Variants in SDK1 observed in about 807,000 individuals in gnomAD.
SDK1 encodes the protein protein sidekick-1.
A neutral mutation model predicts 245.5 loss-of-function variants in SDK1; 157 were observed. That is an observed-to-expected ratio of 0.64 (90% CI 0.56 to 0.73). The LOEUF is 0.73. SDK1 is among the 30% of genes least tolerant of loss of function. The probability of loss-of-function intolerance (pLI) is 0.00; values close to 1 mark genes in which losing one functional copy is unlikely to be tolerated. For synonymous variants in SDK1, 1,647 were observed against 1,278.5 expected (o/e 1.29, Z -6.15); for missense variants, 3,583 against 3,002.3 (o/e 1.19, Z -4.52).
chr7:3,738,230 C>T (rs773369330), intron 4 of SDK1, among the ~76,000 whole-genome samples: 12 of 152,176 alleles, frequency 7.9e-5, no homozygotes, highest in African/African-American at 2.2e-4. Flanking sequence ...TTGTATGTGG[C>T]GTAAGATAAG....
chr7:3,937,609 C>G (rs940477941), intron 5 of SDK1, among the ~76,000 whole-genome samples: 2 of 152,190 alleles, frequency 1.3e-5, no homozygotes, highest in Non-Finnish European at 1.5e-5. Context: ...GCCACTCTGC[C>G]TAGCAGCCTC....
intron 1 of SDK1, among the ~76,000 whole-genome samples, chr7:3,337,636 A>G (rs1458003472): frequency 6.6e-6 from 1 of 152,232 alleles, no homozygotes; most frequent in Non-Finnish European, 1.5e-5. Context: ...AAGCTACTGA[A>G]AGTAGCTGGA....
At chr7:3,729,998 A>G (rs539075662) in intron 4 of SDK1, among the ~76,000 whole-genome samples, 2 of 152,232 alleles carry the variant, frequency 1.3e-5, no homozygotes, top group South Asian at 2.1e-4. Context: ...TAGTACATAT[A>G]TATGTATATA....
At chr7:3,396,426 C>G (rs189153570) in intron 1 of SDK1, among the ~76,000 whole-genome samples, 1 of 151,430 alleles carries the variant, frequency 6.6e-6, no homozygotes, top group Non-Finnish European at 1.5e-5. Flanking sequence ...TGTTATAAGT[C>G]TTCTGTATTT....
chr7:4,035,274 C>G (rs1788132845), intron 17 of SDK1, among the ~76,000 whole-genome samples: 1 of 152,144 alleles, frequency 6.6e-6, no homozygotes, highest in Non-Finnish European at 1.5e-5. Context: ...TGTGTGCCAC[C>G]ATGCCCAGCC....
intron 1 of SDK1, among the ~76,000 whole-genome samples, chr7:3,356,833 G>T (rs974610325): frequency 6.6e-5 from 10 of 151,914 alleles, no homozygotes; most frequent in African/African-American, 2.2e-4. Context: ...CGAGGCCAGT[G>T]GATCACGAGG....
chr7:3,933,086 CA>C (rs1780035993), intron 5 of SDK1, among the ~76,000 whole-genome samples: 1 of 151,498 alleles, frequency 6.6e-6, no homozygotes, highest in Non-Finnish European at 1.5e-5. Flanking sequence ...ATCCTCTCTC[CA>C]TCCTCCGCAT....
At chr7:4,005,252 G>A (rs1337416710) in intron 14 of SDK1, among the ~76,000 whole-genome samples, 3 of 151,530 alleles carry the variant, frequency 2.0e-5, no homozygotes, top group African/African-American at 7.3e-5. Flanking sequence ...TTACCATGTT[G>A]GCCAGGATGG....
intron 4 of SDK1, among the ~76,000 whole-genome samples, chr7:3,808,335 C>T (rs1035186636): frequency 6.6e-6 from 1 of 152,124 alleles, no homozygotes; most frequent in African/African-American, 2.4e-5. Flanking sequence ...GATGGAGGGT[C>T]GGTCCCTAGG....
intron 5 of SDK1, among the ~76,000 whole-genome samples, chr7:3,902,174 T>C (rs974630101): frequency 1.3e-5 from 2 of 152,182 alleles, no homozygotes; most frequent in Non-Finnish European, 2.9e-5. Context: ...TCCCAGACTC[T>C]TCAGTGGCTA....
intron 13 of SDK1, among the ~76,000 whole-genome samples, chr7:3,975,149 C>G (rs1044017225): frequency 2.6e-5 from 4 of 152,236 alleles, no homozygotes; most frequent in Admixed American, 1.3e-4. Context: ...CTTTCTCCCT[C>G]CACTCCCCTC....
rs565882211 is a variant in SDK1 at position 3,303,567 on chromosome 7, C to G, written c.298+1683C>G. Among the ~76,000 whole-genome samples the G allele has an allele frequency of 5.9e-4, 37 of 62,846 alleles. 1 individual carries two copies. In the East Asian group the frequency reaches 9.4e-3, roughly 16 times the overall value. The allele number at this position is 62,846 out of a possible 152,430, so 41.2% of individuals were successfully genotyped here. ...TTTAAAAATATATTAAGGCAACAAC[C>G]GAACTTTGTTAGGAATATTTTATTC... On this transcript the variant is annotated intron_variant, in intron 1 of 44. Coordinates refer to ENST00000404826, the MANE Select transcript of SDK1 (RefSeq NM_152744.4).
intron 19 of SDK1, among the ~76,000 whole-genome samples, chr7:4,067,384 C>T (rs1456513266): frequency 6.6e-6 from 1 of 152,140 alleles, no homozygotes; most frequent in Non-Finnish European, 1.5e-5. Flanking sequence ...GAGTTCTGGA[C>T]CAGGTTGGCA....
chr7:4,049,493 C>T (rs1469185098), intron 18 of SDK1, 30 bp downstream of exon 18: 1 of 1,535,008 alleles, frequency 6.5e-7, no homozygotes, highest in East Asian at 2.2e-5. Context: ...GGCCTGTGGG[C>T]AGCTGTCATT....
chr7:3,792,884 T>C (rs114293938), intron 4 of SDK1, among the ~76,000 whole-genome samples: 1 of 152,342 alleles, frequency 6.6e-6, no homozygotes, highest in African/African-American at 2.4e-5. Flanking sequence ...CACCTTCCTC[T>C]AGCACTGGCG....
At chr7:3,599,136 C>T (rs187699384) in intron 1 of SDK1, among the ~76,000 whole-genome samples, 72 of 129,656 alleles carry the variant, frequency 5.6e-4, no homozygotes, top group Admixed American at 1.6e-3. Context: ...CGGCATCTGG[C>T]GTTCTCGCTG....
In SDK1 at chr7:3,968,197, G is replaced by A. The variant is rs147285381; in HGVS notation, c.1546+763G>A. 8.3e-3 allele frequency among the ~76,000 whole-genome samples: 1,257 copies of A among 152,294 alleles called. 21 individuals are homozygous for A. Among genetic ancestry groups the A allele is most frequent in the African/African-American group, 0.029 (1,204 of 41,556 alleles). ...AGAAAGATGCTTCCAGGGCCACATC[G>A]TTCCGTGCCTTCTGCAGTCAACCTG... is the stretch of plus-strand genomic sequence containing the variant. On this transcript the variant is annotated intron_variant, in intron 10 of 44. Coordinates refer to ENST00000404826, the MANE Select transcript of SDK1 (RefSeq NM_152744.4).
At chr7:3,874,353 C>T (rs1412882021) in intron 5 of SDK1, among the ~76,000 whole-genome samples, 1 of 152,208 alleles carries the variant, frequency 6.6e-6, no homozygotes, top group Non-Finnish European at 1.5e-5. Flanking sequence ...GAATCTGCTT[C>T]TTGCAGCTCC....
At chr7:3,663,009 T>C (rs1783414068) in intron 4 of SDK1, among the ~76,000 whole-genome samples, 1 of 152,216 alleles carries the variant, frequency 6.6e-6, no homozygotes, top group Admixed American at 6.5e-5. Context: ...CATGCATGCA[T>C]AGATGTGTAT....
Sources: allele counts gnomAD v4.1 joint callset (sites outside exome capture counted in the v4.1 genomes callset), GRCh38; gene constraint gnomAD v4.1.1; transcripts MANE v1.5; gene names NCBI Gene and HGNC (gene_info 2026-07-23, HGNC 2026-07-21).